TOM1L1: variants seen among roughly 807,000 people sequenced by gnomAD.
TOM1L1 encodes the protein TOM1-like protein 1.
A neutral mutation model predicts 63.4 loss-of-function variants in TOM1L1; 64 were observed. That is an observed-to-expected ratio of 1.01 (90% CI 0.83 to 1.24). The LOEUF (loss-of-function observed/expected upper bound fraction) is 1.24, where lower values mean the gene tolerates loss of function less well. Among genes scored for constraint, TOM1L1 ranks in the 50% most tolerant of loss-of-function variants. The pLI is 0.00. For synonymous variants in TOM1L1, 166 were observed against 194.4 expected, an observed-to-expected ratio of 0.85 and a Z score of 1.22; for missense variants, 536 against 567.0, an observed-to-expected ratio of 0.95 and a Z score of 0.55.
chr17:54,961,082 C>T (rs1242108500), intron 15 of TOM1L1, 153 bp from the exon 16 acceptor site: 4 of 653,394 alleles, frequency 6.1e-6, no homozygotes, highest in Non-Finnish European at 1.1e-5. Flanking sequence ...TATTTATTCC[C>T]CTTATACCCT....
chr17:54,911,239 C>T (rs2048492520), intron 3 of TOM1L1, among the ~76,000 whole-genome samples: 1 of 152,128 alleles, frequency 6.6e-6, no homozygotes, highest in African/African-American at 2.4e-5. Flanking sequence ...AAAGGGGTGC[C>T]TTATGTATTC....
intron 8 of TOM1L1, among the ~76,000 whole-genome samples, chr17:54,930,898 G>A (rs998878398): frequency 6.6e-6 from 1 of 151,974 alleles, no homozygotes; most frequent in Non-Finnish European, 1.5e-5. Context: ...AGCTGGGTGT[G>A]GTGGTCCTAG....
chr17:54,912,711 C>G lies in TOM1L1; in HGVS notation c.268C>G (p.Leu90Val). ...VQNCGPSFQS[L>V]IVKKEFVKEN... is the part of the protein sequence containing the mutation. The stretch of plus-strand genomic sequence containing the variant: ...GAACTGTGGTCCAAGTTTCCAGTCT[C>G]TGATTGTGAAGAAGGAATTTGTTAA... The change falls in exon 4 of 16, where the codon CTG becomes GTG. Residue 90 changes from leucine (L) to valine (V), a missense_variant. Coordinates refer to ENST00000575882, the MANE Select transcript of TOM1L1 (RefSeq NM_005486.3). The G allele has an allele frequency of 6.2e-7, 1 of 1,609,808 alleles. No individual in the cohort carries two copies. The highest frequency in any genetic ancestry group is 1.3e-5 in the African/African-American group (1 of 74,774).
intron 5 of TOM1L1, 55 bp downstream of exon 5, chr17:54,913,928 T>C: frequency 6.5e-7 from 1 of 1,547,900 alleles, no homozygotes; most frequent in South Asian, 1.2e-5. Context: ...ACTTGGGTCT[T>C]TTCTCATTAC....
At chr17:54,923,670 G>A (rs886389613) in intron 7 of TOM1L1, among the ~76,000 whole-genome samples, 20 of 151,740 alleles carry the variant, frequency 1.3e-4, no homozygotes, top group Admixed American at 9.2e-4. Context: ...CTCAGCCTCC[G>A]GAGTAGCTGA....
In TOM1L1 at chr17:54,943,923, G is replaced by A. The variant is rs193001475; in HGVS notation, c.1131-3338G>A. ...ACCCGGGAGGCGGAGGTTGCAGTGA[G>A]CCGAGATTACAGCCACTGCACTCCA... On this transcript the variant is annotated intron_variant, in intron 11 of 15. Coordinates refer to ENST00000575882, the MANE Select transcript of TOM1L1 (RefSeq NM_005486.3). 3.9e-4 allele frequency among the ~76,000 whole-genome samples: 59 copies of A among 152,066 alleles called. No homozygotes were observed. The East Asian group carries it at 9.5e-3, about 24-fold the overall frequency.
intron 11 of TOM1L1, among the ~76,000 whole-genome samples, chr17:54,939,400 A>T (rs138928735): frequency 1.9e-3 from 292 of 151,226 alleles, no homozygotes; most frequent in African/African-American, 6.3e-3. Flanking sequence ...TAGTAACAGG[A>T]GATGGGGAAG....
Position 54,961,872 on chromosome 17 carries a change from TTAATA to T in TOM1L1, c.*641_*645del, listed in dbSNP as rs1306012132. 17 of 934,038 alleles carry T rather than the reference TTAATA, an allele frequency of 1.8e-5. No homozygotes were observed. The highest frequency in any genetic ancestry group is 2.2e-5 in the Non-Finnish European group (17 of 782,944). The allele number at this position is 934,038 out of a possible 1,614,324, so 57.9% of individuals were successfully genotyped here. A position where few individuals can be genotyped will look rare whatever the true frequency, so the allele number is the denominator to read the frequency against. ...CCTTTTTTTCTCTTTTTACTGCAACTTAATATTTCTATTTAGAACACAGAAAATGA... is the reference window on the plus strand; with the variant it reads ...CCTTTTTTTCTCTTTTTACTGCAACTTTTCTATTTAGAACACAGAAAATGA... On this transcript the variant is annotated 3_prime_UTR_variant, in exon 16 of 16. Coordinates refer to ENST00000575882, the MANE Select transcript of TOM1L1 (RefSeq NM_005486.3).
At chr17:54,927,786 A>G (rs187709348) in intron 7 of TOM1L1, among the ~76,000 whole-genome samples, 7 of 152,116 alleles carry the variant, frequency 4.6e-5, no homozygotes, top group Admixed American at 4.6e-4. Context: ...CTCCTCTGAG[A>G]CAGACATCAA....
intron 5 of TOM1L1, among the ~76,000 whole-genome samples, chr17:54,914,313 A>G (rs1447883912): frequency 6.6e-6 from 1 of 151,842 alleles, no homozygotes; most frequent in Non-Finnish European, 1.5e-5. Flanking sequence ...GTTATTAACA[A>G]CCCAAAGAGA....
intron 7 of TOM1L1, among the ~76,000 whole-genome samples, chr17:54,922,551 C>T (rs1236738853): frequency 1.3e-5 from 2 of 152,016 alleles, no homozygotes; most frequent in East Asian, 1.9e-4. Context: ...TGCAGTAAAC[C>T]GTGATTGCAC....
intron 3 of TOM1L1, among the ~76,000 whole-genome samples, chr17:54,907,153 CTTT>C (rs74686562): frequency 5.1e-5 from 7 of 137,298 alleles, no homozygotes; most frequent in Admixed American, 1.5e-4. Flanking sequence ...CCCCCTTCAC[CTTT>C]TTTTTTTTTT....
intron 3 of TOM1L1, among the ~76,000 whole-genome samples, chr17:54,906,337 C>T (rs922464435): frequency 1.3e-5 from 2 of 152,014 alleles, no homozygotes; most frequent in South Asian, 2.1e-4. Flanking sequence ...GGCGTGGTGG[C>T]GTGTGCCTGT....
intron 2 of TOM1L1, among the ~76,000 whole-genome samples, chr17:54,904,628 A>G (rs915607823): frequency 6.6e-6 from 1 of 152,186 alleles, no homozygotes; most frequent in East Asian, 1.9e-4. Context: ...TTCTTATAGC[A>G]TGTGCTATCG....
chr17:54,943,688 A>G (rs1363257721), intron 11 of TOM1L1, among the ~76,000 whole-genome samples: 1 of 152,088 alleles, frequency 6.6e-6, no homozygotes, highest in Admixed American at 6.6e-5. Context: ...ACTTGAAAGT[A>G]AAAACCTGGG....
intron 8 of TOM1L1, among the ~76,000 whole-genome samples, chr17:54,935,949 C>A (rs1402721653): frequency 1.3e-5 from 2 of 151,988 alleles, no homozygotes; most frequent in African/African-American, 4.8e-5. Context: ...ATGGAGAAAC[C>A]CCGTCTCTAC....
At chr17:54,949,364 T>C (rs1440640171) in intron 12 of TOM1L1, among the ~76,000 whole-genome samples, 154 bp from the exon 13 acceptor site, 2 of 152,176 alleles carry the variant, frequency 1.3e-5, no homozygotes, top group African/African-American at 4.8e-5. Context: ...TAAGTGATTA[T>C]TACCTAAAAA....
intron 9 of TOM1L1, among the ~76,000 whole-genome samples, 166 bp downstream of exon 9, chr17:54,936,875 AC>A (rs1415901149): frequency 4.7e-5 from 6 of 128,096 alleles, no homozygotes; most frequent in African/African-American, 1.9e-4. Context: ...AATGTTATTA[AC>A]GTTAATGTTA....
chr17:54,901,164 G>A, intron 1 of TOM1L1: 1 of 598,680 alleles, frequency 1.7e-6, no homozygotes, highest in Non-Finnish European at 2.9e-6. Context: ...ATGCCGCCTG[G>A]GGAGTGGAAC....
Sources: allele counts gnomAD v4.1 joint callset (sites outside exome capture counted in the v4.1 genomes callset), GRCh38; gene constraint gnomAD v4.1.1; transcripts MANE v1.5; gene names NCBI Gene and HGNC (gene_info 2026-07-23, HGNC 2026-07-21).